The following MSRA variants were observed in gnomAD, a reference collection of about 807,000 sequenced individuals.
MSRA encodes the protein mitochondrial peptide methionine sulfoxide reductase.
Under a neutral mutation model 31.3 loss-of-function variants are expected in MSRA, and 54 were observed. That is an observed-to-expected ratio of 1.73 (90% CI 1.39 to 2.17). The LOEUF (loss-of-function observed/expected upper bound fraction) is 2.17, where lower values mean the gene tolerates loss of function less well. Ranked by LOEUF, MSRA falls within the 30% of genes most tolerant of loss-of-function variation. The pLI is 0.00. For synonymous variants in MSRA, 169 were observed against 116.5 expected (o/e 1.45, Z -2.90); for missense variants, 507 against 300.9 (o/e 1.69, Z -5.07).
chr8:10,193,801 A>G (rs1215428287), intron 1 of MSRA, among the ~76,000 whole-genome samples: 3 of 152,218 alleles, frequency 2.0e-5, no homozygotes, highest in African/African-American at 7.2e-5. Context: ...CTGCTATCTC[A>G]GAATGACAGG....
At chr8:10,310,439 G>A (rs1013076985) in intron 4 of MSRA, among the ~76,000 whole-genome samples, 1 of 152,186 alleles carries the variant, frequency 6.6e-6, no homozygotes, top group Non-Finnish European at 1.5e-5. Context: ...TTGCAAAAGT[G>A]TTATTTGCAC....
At chr8:10,410,122 G>T (rs1216497662) in intron 5 of MSRA, among the ~76,000 whole-genome samples, 3 of 152,192 alleles carry the variant, frequency 2.0e-5, no homozygotes, top group Non-Finnish European at 2.9e-5. Flanking sequence ...TCCGAGCCTG[G>T]GTCCAGGATC....
At chr8:10,291,769 A>T (rs1042822131) in intron 3 of MSRA, among the ~76,000 whole-genome samples, 2 of 152,008 alleles carry the variant, frequency 1.3e-5, no homozygotes, top group African/African-American at 4.8e-5. Context: ...AGGATGAGGG[A>T]GGTTGAAGAA....
intron 3 of MSRA, among the ~76,000 whole-genome samples, chr8:10,271,655 T>G (rs551314042): frequency 5.9e-5 from 9 of 152,302 alleles, no homozygotes; most frequent in Middle Eastern, 3.4e-3. Flanking sequence ...GGGCACTGTT[T>G]CTTTTATAAA....
intron 3 of MSRA, among the ~76,000 whole-genome samples, chr8:10,278,436 G>T (rs185247477): frequency 1.4e-4 from 22 of 152,308 alleles, no homozygotes; most frequent in Non-Finnish European, 2.9e-4. Flanking sequence ...ACTTTGGTGG[G>T]TGGCTTTCCT....
chr8:10,096,692 A>G (rs1799178654), intron 1 of MSRA, among the ~76,000 whole-genome samples: 2 of 152,156 alleles, frequency 1.3e-5, no homozygotes, highest in African/African-American at 4.8e-5. Flanking sequence ...TTACTTAGAT[A>G]TATACTTTAT....
intron 5 of MSRA, among the ~76,000 whole-genome samples, chr8:10,367,832 G>A (rs1023152336): frequency 4.6e-5 from 7 of 152,240 alleles, no homozygotes; most frequent in Admixed American, 3.3e-4. Flanking sequence ...GATGAGGCAG[G>A]CCTCATGAGG....
At chr8:10,091,601 A>G (rs569075416) in intron 1 of MSRA, among the ~76,000 whole-genome samples, 1 of 149,970 alleles carries the variant, frequency 6.7e-6, no homozygotes, top group South Asian at 2.1e-4. Flanking sequence ...GCTGGATCAT[A>G]TGGTAGTTTT....
intron 2 of MSRA, among the ~76,000 whole-genome samples, chr8:10,242,462 C>T (rs1171849923): frequency 2.0e-5 from 3 of 152,056 alleles, no homozygotes; most frequent in Non-Finnish European, 4.4e-5. Flanking sequence ...GGAGGCATGT[C>T]TAGGGTAGAT....
chr8:10,406,396 G>C (rs1025934092), intron 5 of MSRA, among the ~76,000 whole-genome samples: 3 of 152,228 alleles, frequency 2.0e-5, no homozygotes, highest in South Asian at 4.1e-4. Flanking sequence ...TTTCATTTTA[G>C]AGATGAGCAA....
chr8:10,154,078 A>G (rs1803944577), intron 1 of MSRA, among the ~76,000 whole-genome samples: 1 of 152,206 alleles, frequency 6.6e-6, no homozygotes, highest in Non-Finnish European at 1.5e-5. Context: ...AAGAGGAAAT[A>G]ATAGTCTGGT....
chr8:10,349,740 C>G (rs533463008), intron 5 of MSRA, among the ~76,000 whole-genome samples: 1 of 152,330 alleles, frequency 6.6e-6, no homozygotes, highest in Admixed American at 6.5e-5. Flanking sequence ...CTAACACAAG[C>G]TGAGGCTCTT....
rs543596174 is a variant in MSRA at position 10,335,009 on chromosome 8, C to A, written c.543+15020C>A. On this transcript the variant is annotated intron_variant, in intron 5 of 5. Transcript: ENST00000317173. ...AGGAGGAATAAAAGGCTCTCGTGTCCTTAGGTCTAGTGCCCTGCGCCATGG... is the reference window on the plus strand; with the variant it reads ...AGGAGGAATAAAAGGCTCTCGTGTCATTAGGTCTAGTGCCCTGCGCCATGG... Among the ~76,000 whole-genome samples, 10 of 152,212 alleles carry A rather than the reference C, an allele frequency of 6.6e-5. No homozygotes were observed. In the South Asian group the frequency reaches 2.1e-3, roughly 31 times the overall value.
chr8:10,234,719 G>A (rs186890158), intron 2 of MSRA, among the ~76,000 whole-genome samples: 1 of 151,974 alleles, frequency 6.6e-6, no homozygotes, highest in African/African-American at 2.4e-5. Flanking sequence ...AAGACACATG[G>A]AAAGGTTAAA....
chr8:10,126,929 C>G (rs1801545291), intron 1 of MSRA, among the ~76,000 whole-genome samples: 1 of 152,198 alleles, frequency 6.6e-6, no homozygotes, highest in Admixed American at 6.5e-5. Context: ...AGGCGGAGCT[C>G]AGGCAGTAGT....
intron 2 of MSRA, among the ~76,000 whole-genome samples, chr8:10,226,104 A>G (rs1810975339): frequency 6.6e-6 from 1 of 152,146 alleles, no homozygotes; most frequent in Admixed American, 6.5e-5. Context: ...AGTGGCAGGG[A>G]ACCACGGCTT....
chr8:10,120,081 A>G (rs1800994342), intron 1 of MSRA, among the ~76,000 whole-genome samples: 1 of 152,172 alleles, frequency 6.6e-6, no homozygotes, highest in Non-Finnish European at 1.5e-5. Context: ...GGGGGAAGAA[A>G]TACCGAGTCT....
chr8:10,230,615 T>C (rs1384293931), intron 2 of MSRA, among the ~76,000 whole-genome samples: 1 of 152,236 alleles, frequency 6.6e-6, no homozygotes, highest in African/African-American at 2.4e-5. Flanking sequence ...TCAGTCTGTA[T>C]AAACATTTTT....
intron 1 of MSRA, among the ~76,000 whole-genome samples, chr8:10,082,971 G>T (rs814421): frequency 0.21 from 32,203 of 152,204 alleles, 3,651 homozygotes; most frequent in East Asian, 0.39. Flanking sequence ...TTATAGTCTA[G>T]TCAGGAAGCC....
Sources: allele counts gnomAD v4.1 joint callset (sites outside exome capture counted in the v4.1 genomes callset), GRCh38; gene constraint gnomAD v4.1.1; transcripts MANE v1.5; gene names NCBI Gene and HGNC (gene_info 2026-07-23, HGNC 2026-07-21).